WDR45B: variants seen among roughly 807,000 people sequenced by gnomAD.
WDR45B encodes WD repeat domain 45B.
WDR45B carries 20 observed loss-of-function variants against 44.6 expected under a neutral mutation model. The observed-to-expected ratio is 0.45, with a 90% CI of 0.32 to 0.65. WDR45B has a LOEUF of 0.65. Among genes scored for constraint, WDR45B ranks in the 30% least tolerant of loss-of-function variants. The probability of loss-of-function intolerance (pLI) is 0.05; values close to 1 mark genes in which losing one functional copy is unlikely to be tolerated. For missense variants in WDR45B, 323 were observed against 430.2 expected (o/e 0.75, Z 2.20); for synonymous variants, 169 against 164.9 (o/e 1.02, Z -0.19).
At chr17:82,635,235 C>G (rs1417031875) in intron 2 of WDR45B, among the ~76,000 whole-genome samples, 1 of 151,726 alleles carries the variant, frequency 6.6e-6, no homozygotes, top group East Asian at 1.9e-4. Context: ...AGAAGTGTAA[C>G]TATTTCCTCA....
At chr17:82,641,308 A>G (rs1278013245) in intron 2 of WDR45B, among the ~76,000 whole-genome samples, 5 of 152,186 alleles carry the variant, frequency 3.3e-5, no homozygotes, top group Admixed American at 1.3e-4. Flanking sequence ...TACTGTAAAC[A>G]CTTCATTAAT....
intron 5 of WDR45B, 91 bp from the exon 6 acceptor site, chr17:82,621,890 T>C: frequency 5.4e-6 from 7 of 1,299,322 alleles, no homozygotes; most frequent in African/African-American, 4.4e-5. Context: ...TCCGAAAAAA[T>C]AGATGTATAT....
At chr17:82,627,317 A>T in intron 3 of WDR45B, 26 bp from the exon 4 acceptor site, 1 of 1,572,122 alleles carries the variant, frequency 6.4e-7, no homozygotes. Context: ...GAAAAGATGA[A>T]TGCAGTCATC....
At chr17:82,635,358 A>G (rs936255550) in intron 2 of WDR45B, among the ~76,000 whole-genome samples, 17 of 151,652 alleles carry the variant, frequency 1.1e-4, no homozygotes, top group African/African-American at 3.9e-4. Flanking sequence ...TAGCCCTTTT[A>G]TAAACTACAT....
intron 5 of WDR45B, among the ~76,000 whole-genome samples, chr17:82,624,556 G>A (rs1473608141): frequency 5.9e-5 from 9 of 151,648 alleles, no homozygotes; most frequent in Non-Finnish European, 7.4e-5. Flanking sequence ...CACTGCGCCC[G>A]GCCGACTGTT....
intron 2 of WDR45B, among the ~76,000 whole-genome samples, chr17:82,633,073 G>C (rs1264507079): frequency 6.7e-6 from 1 of 150,372 alleles, no homozygotes; most frequent in South Asian, 2.1e-4. Context: ...TGTGGCAGGA[G>C]AATCGCTTGA....
At chr17:82,647,682 G>GA in intron 1 of WDR45B, among the ~76,000 whole-genome samples, 1 of 149,220 alleles carries the variant, frequency 6.7e-6, no homozygotes, top group Admixed American at 6.7e-5. Flanking sequence ...TTTTCCGATG[G>GA]AAACCGACGG....
intron 2 of WDR45B, among the ~76,000 whole-genome samples, chr17:82,634,862 C>T (rs1019711416): frequency 6.6e-6 from 1 of 151,970 alleles, no homozygotes; most frequent in African/African-American, 2.4e-5. Flanking sequence ...CTGCGGTACC[C>T]GGCCTGAAGT....
rs1380867627 is a variant in WDR45B, at chr17:82,616,762, T to C, written c.807-117A>G. 1.7e-5 allele frequency: 24 copies of C among 1,377,262 alleles called. No individual in the cohort carries two copies. In the East Asian group the frequency reaches 4.9e-4, roughly 28 times the overall value. The allele number at this position is 1,377,262 out of a possible 1,614,324, so 85.3% of individuals were successfully genotyped here. ...ATGCTCCTTCATATGGTTTGAGCTT[T>C]AATGAATTTTTTTTTTGCCATGCAT... is the stretch of plus-strand genomic sequence containing the variant. On this transcript the variant is annotated intron_variant, in intron 8 of 9. Transcript: ENST00000392325.
chr17:82,616,740 C>T, intron 8 of WDR45B, 95 bp from the exon 9 acceptor site: 1 of 1,499,626 alleles, frequency 6.7e-7, no homozygotes, highest in Middle Eastern at 1.7e-4. Context: ...TACGAAAATG[C>T]TCCTTCATAT....
At chr17:82,648,098 G>A (rs574048559) in intron 1 of WDR45B, among the ~76,000 whole-genome samples, 176 bp downstream of exon 1, 6 of 150,620 alleles carry the variant, frequency 4.0e-5, no homozygotes, top group Admixed American at 6.6e-5. Flanking sequence ...CCCGGCTCGG[G>A]CTGGGAGCAG....
chr17:82,643,712 GAT>G (rs1326703991), intron 2 of WDR45B, among the ~76,000 whole-genome samples: 2 of 152,268 alleles, frequency 1.3e-5, no homozygotes, highest in South Asian at 2.1e-4. Flanking sequence ...CATGCTGATC[GAT>G]AATTCACTAG....
rs532511722 is a variant in WDR45B at position 82,615,776 on chromosome 17, G to A, written c.*143C>T. On this transcript the variant is annotated 3_prime_UTR_variant, in exon 10 of 10. Transcript: ENST00000392325. ...ACTGGAAATGGGAGTCCTTAGGAAA[G>A]CAGACAACCACGTATGGCTTCGAGA... 2 of 736,574 alleles carry A rather than the reference G, an allele frequency of 2.7e-6. No individual in the cohort carries two copies. The highest frequency in any genetic ancestry group is 4.8e-6 in the Non-Finnish European group (2 of 416,936). The allele number at this position is 736,574 out of a possible 1,614,324, so 45.6% of individuals were successfully genotyped here.
chr17:82,619,375 C>T (rs977654973), intron 6 of WDR45B, among the ~76,000 whole-genome samples: 12 of 152,098 alleles, frequency 7.9e-5, no homozygotes, highest in Non-Finnish European at 1.5e-4. Context: ...AGACAACCTC[C>T]TGACCGGGCA....
At chr17:82,619,176 T>C (rs1162559806) in intron 6 of WDR45B, 48 bp from the exon 7 acceptor site, 5 of 1,585,962 alleles carry the variant, frequency 3.2e-6, no homozygotes, top group South Asian at 2.2e-5. Context: ...CAAAACTTTT[T>C]CGTTAGTTTT....
At chr17:82,618,808 A>G (rs963309558) in intron 7 of WDR45B, among the ~76,000 whole-genome samples, 1 of 152,254 alleles carries the variant, frequency 6.6e-6, no homozygotes, top group Non-Finnish European at 1.5e-5. Context: ...TAAATGCTGA[A>G]GCAGGGTTAA....
chr17:82,637,438 C>T (rs942277011), intron 2 of WDR45B, among the ~76,000 whole-genome samples: 1 of 152,072 alleles, frequency 6.6e-6, no homozygotes, highest in East Asian at 1.9e-4. Context: ...AAGCAGAAAC[C>T]GCACAGCAAA....
chr17:82,636,097 T>C (rs1026989374), intron 2 of WDR45B, among the ~76,000 whole-genome samples: 1 of 146,822 alleles, frequency 6.8e-6, no homozygotes, highest in African/African-American at 2.6e-5. Context: ...CTCAAATAAA[T>C]ACATAAATAA....
intron 6 of WDR45B, among the ~76,000 whole-genome samples, chr17:82,620,659 A>C (rs1047265127): frequency 1.3e-5 from 2 of 152,184 alleles, no homozygotes; most frequent in African/African-American, 4.8e-5. Flanking sequence ...CACCTCCTTA[A>C]CAATTTATAA....
Sources: allele counts gnomAD v4.1 joint callset (sites outside exome capture counted in the v4.1 genomes callset), GRCh38; gene constraint gnomAD v4.1.1; transcripts MANE v1.5; gene names NCBI Gene and HGNC (gene_info 2026-07-23, HGNC 2026-07-21).